The following CSMD3 variants were observed in gnomAD, a reference collection of about 807,000 sequenced individuals.
CSMD3 encodes the protein CUB and sushi domain-containing protein 3.
Under a neutral mutation model 435.2 loss-of-function variants are expected in CSMD3, and 177 were observed. The ratio of observed to expected loss-of-function variants is 0.41; its 90% CI spans 0.36 to 0.46. The LOEUF is 0.46. CSMD3 is among the 20% of genes least tolerant of loss of function. The pLI, the probability that CSMD3 is intolerant of heterozygous loss-of-function variation, is 0.34. For missense variants in CSMD3, 4,265 were observed against 4,504.6 expected (o/e 0.95, Z 1.52); for synonymous variants, 1,656 against 1,520.5 (o/e 1.09, Z -2.07).
chr8:112,571,170 G>A (rs1357078631), intron 24 of CSMD3, among the ~76,000 whole-genome samples: 1 of 152,002 alleles, frequency 6.6e-6, no homozygotes, highest in African/African-American at 2.4e-5. Flanking sequence ...ACCACGCCCA[G>A]CTAATTTTGT....
At chr8:112,741,147 A>G (rs2077295537) in intron 13 of CSMD3, among the ~76,000 whole-genome samples, 1 of 151,904 alleles carries the variant, frequency 6.6e-6, no homozygotes, top group South Asian at 2.1e-4. Context: ...AAAGGCAGAA[A>G]TATGATGTGT....
At chr8:113,033,732 G>A (rs1189586104) in intron 5 of CSMD3, among the ~76,000 whole-genome samples, 1 of 151,260 alleles carries the variant, frequency 6.6e-6, no homozygotes, top group Admixed American at 6.6e-5. Flanking sequence ...AGGCATTATT[G>A]GTTTTGAAAT....
chr8:112,524,380 A>T (rs1053558418), intron 27 of CSMD3, among the ~76,000 whole-genome samples: 3 of 151,928 alleles, frequency 2.0e-5, no homozygotes, highest in South Asian at 2.1e-4. Flanking sequence ...ATGGTTTCAC[A>T]TTACTTCTGA....
intron 17 of CSMD3, among the ~76,000 whole-genome samples, chr8:112,661,980 A>G (rs1018823392): frequency 6.6e-6 from 1 of 152,120 alleles, no homozygotes; most frequent in African/African-American, 2.4e-5. Flanking sequence ...GGAATGGGGA[A>G]ATGAGGACTG....
intron 63 of CSMD3, among the ~76,000 whole-genome samples, chr8:112,247,503 A>T (rs1814855031): frequency 6.6e-6 from 1 of 152,202 alleles, no homozygotes; most frequent in East Asian, 1.9e-4. Context: ...TGATAAAAAT[A>T]TATATGGAAA....
intron 1 of CSMD3, among the ~76,000 whole-genome samples, chr8:113,409,079 C>CTTTTTTTTTT (rs1218107775): frequency 3.9e-4 from 39 of 99,094 alleles, no homozygotes; most frequent in East Asian, 7.0e-4. Flanking sequence ...TCTTCTTCTT[C>CTTTTTTTTTT]TTTTTTTTTT....
chr8:112,692,010 C>T (rs954030300), intron 13 of CSMD3, among the ~76,000 whole-genome samples: 2 of 152,022 alleles, frequency 1.3e-5, no homozygotes, highest in South Asian at 2.1e-4. Context: ...ACTGTGTTGT[C>T]CAGGCTGGTC....
At chr8:112,816,288 G>C (rs1007759943) in intron 12 of CSMD3, among the ~76,000 whole-genome samples, 2 of 152,088 alleles carry the variant, frequency 1.3e-5, no homozygotes, top group East Asian at 1.9e-4. Context: ...CAAGGGATGA[G>C]TGTGTATGTT....
rs750836311 is a variant in CSMD3, at chr8:112,306,102, T to C, written c.7976A>G (p.Asn2659Ser). The C allele has an allele frequency of 6.2e-7, 1 of 1,613,262 alleles. No homozygotes were observed. The highest frequency in any genetic ancestry group is 1.7e-5 in the Admixed American group (1 of 59,986). The change falls in exon 51 of 71, where the codon AAT becomes AGT. Residue 2659 changes from asparagine (N) to serine (S), a missense_variant. Physicochemically the swap from Asn to Ser is conservative, Grantham distance 46 (BLOSUM62 1). Transcript: ENST00000297405. ...LVGTRVTYFC[N>S]DGYRLSSKEL... ...TTTGGATGACAATCGATATCCATCA[T>C]TACAAAAATAGGTAACTCGCGTTCC...
intron 8 of CSMD3, among the ~76,000 whole-genome samples, chr8:112,951,548 A>G (rs2083811010): frequency 6.6e-6 from 1 of 151,728 alleles, no homozygotes; most frequent in Admixed American, 6.6e-5. Context: ...CTTTTTCTGA[A>G]CTCAAACAAC....
rs544742710 is a variant in CSMD3, at chr8:112,545,166, A to G, written c.4564+5505T>C. Among the ~76,000 whole-genome samples the G allele has an allele frequency of 1.1e-4, 16 of 152,198 alleles. No homozygotes were observed. The East Asian group carries it at 2.7e-3, about 26-fold the overall frequency. ...GTAGCATAACTATCTGTTATACAAA[A>G]TATCTGTCAGGGCAACAATGTCAAA... On this transcript the variant is annotated intron_variant, in intron 27 of 70. Transcript: ENST00000297405.
At position 112,222,935 on chromosome 8, in the gene CSMD3, A is replaced by G; in HGVS notation, c.*1836T>C. Reference sequence around the variant, plus strand: ...TTTGGAAAAAAAAACACATTTTACAAAAGCAATTATCCATTTTTATTTTGT... The same window carrying G: ...TTTGGAAAAAAAAACACATTTTACAGAAGCAATTATCCATTTTTATTTTGT... On this transcript the variant is annotated 3_prime_UTR_variant, in exon 71 of 71. Transcript: ENST00000297405. The G allele has an allele frequency of 2.5e-6, 1 of 394,432 alleles. No individual in the cohort carries two copies. The highest frequency in any genetic ancestry group is 4.5e-6 in the Non-Finnish European group (1 of 223,078). 24.4% of individuals were successfully genotyped at this position (394,432 alleles called of 1,614,324 possible).
At chr8:112,281,430 TC>T in intron 58 of CSMD3, 80 bp from the exon 59 acceptor site, 1 of 1,104,332 alleles carries the variant, frequency 9.1e-7, no homozygotes, top group Non-Finnish European at 1.4e-6. Flanking sequence ...ACTAAACGAT[TC>T]TTTCAAATTA....
intron 11 of CSMD3, among the ~76,000 whole-genome samples, chr8:112,842,067 G>C (rs763935676): frequency 6.6e-6 from 1 of 151,808 alleles, no homozygotes; most frequent in South Asian, 2.1e-4. Flanking sequence ...GGCAAGTGCT[G>C]TGGGTAACAC....
chr8:113,183,377 A>T (rs1039754471), intron 3 of CSMD3, among the ~76,000 whole-genome samples: 8 of 151,966 alleles, frequency 5.3e-5, no homozygotes, highest in Non-Finnish European at 1.2e-4. Context: ...AATTTATTTG[A>T]TTCCAGGTTT....
intron 11 of CSMD3, among the ~76,000 whole-genome samples, chr8:112,844,300 A>G (rs1038032162): frequency 7.2e-5 from 11 of 151,904 alleles, no homozygotes; most frequent in African/African-American, 2.7e-4. Context: ...TCACTCATCA[A>G]TTTTGGACTA....
At chr8:112,568,994 C>G (rs1376714186) in intron 24 of CSMD3, among the ~76,000 whole-genome samples, 1 of 152,076 alleles carries the variant, frequency 6.6e-6, no homozygotes, top group Admixed American at 6.6e-5. Flanking sequence ...TAAAGTTAAA[C>G]CAATTATTTA....
At position 113,420,949 on chromosome 8, in the gene CSMD3, A is replaced by T. The variant is rs2094606301; in HGVS notation, c.178+15728T>A. On this transcript the variant is annotated intron_variant, in intron 1 of 70. Coordinates refer to ENST00000297405, the MANE Select transcript of CSMD3 (RefSeq NM_198123.2). ...GATTCCGTTTAAAAAAAAAAAAGAA[A>T]TGTAAATTATAATACGATGATGACT... Among the ~76,000 whole-genome samples the T allele has an allele frequency of 1.3e-5, 2 of 152,066 alleles. 1 individual carries two copies. Among genetic ancestry groups the T allele is most frequent in the South Asian group, 4.1e-4 (2 of 4,826 alleles).
chr8:113,382,743 G>A (rs967029696), intron 1 of CSMD3, among the ~76,000 whole-genome samples: 1 of 152,164 alleles, frequency 6.6e-6, no homozygotes, highest in Non-Finnish European at 1.5e-5. Context: ...ACTTTGGGAG[G>A]CTGAGGTGAG....
Sources: gnomAD v4.1 joint callset for allele counts (sites outside exome capture counted in the v4.1 genomes callset) on GRCh38, gnomAD v4.1.1 for gene constraint, MANE v1.5 for transcripts, NCBI Gene and HGNC (gene_info 2026-07-23, HGNC 2026-07-21) for gene names.